Variants in LINGO2 observed in about 807,000 individuals in gnomAD.
LINGO2 encodes leucine-rich repeat and immunoglobulin-like domain-containing nogo receptor-interacting protein 2.
A neutral mutation model predicts 30.6 loss-of-function variants in LINGO2; 14 were observed. The observed-to-expected ratio is 0.46, with a 90% CI of 0.30 to 0.72. The LOEUF (loss-of-function observed/expected upper bound fraction) is 0.72. LINGO2 is among the 30% of genes least tolerant of loss of function. LINGO2 has a pLI of 0.07. For synonymous variants in LINGO2, 317 were observed against 288.5 expected (o/e 1.10, Z -1.00); for missense variants, 729 against 751.7 (o/e 0.97, Z 0.35).
At position 28,344,497 on chromosome 9, in the gene LINGO2, T is replaced by C. The variant is rs568937598; in HGVS notation, c.-246+28339A>G. Among the ~76,000 whole-genome samples, 25 of 152,276 alleles carry C rather than the reference T, an allele frequency of 1.6e-4. No homozygotes were observed. The East Asian group carries it at 4.6e-3, about 28-fold the overall frequency. ...AAGTAATGAAAAATGAGTATGTCTATACATTCATGATTAGGACAAAAAGTA... is the reference window on the plus strand; with the variant it reads ...AAGTAATGAAAAATGAGTATGTCTACACATTCATGATTAGGACAAAAAGTA... On this transcript the variant is annotated intron_variant, in intron 3 of 5. Transcript: ENST00000379992.
the LINGO2 span, among the ~76,000 whole-genome samples, chr9:29,068,719 C>T: frequency 6.6e-6 from 1 of 151,792 alleles, no homozygotes; most frequent in Non-Finnish European, 1.5e-5. Flanking sequence ...TTCATCCTGA[C>T]AGCTTATAAT....
intron 4 of LINGO2, among the ~76,000 whole-genome samples, chr9:28,012,834 T>C (rs1300124203): frequency 6.6e-6 from 1 of 152,144 alleles, no homozygotes; most frequent in East Asian, 1.9e-4. Flanking sequence ...AAACTGTCTA[T>C]CTGAAATTGA....
At chr9:29,008,200 G>C in the LINGO2 span, among the ~76,000 whole-genome samples, 2 of 152,216 alleles carry the variant, frequency 1.3e-5, no homozygotes, top group South Asian at 2.1e-4. Context: ...CCTTGCAATA[G>C]TTTGCTGAGA....
At chr9:28,948,730 T>C in the LINGO2 span, among the ~76,000 whole-genome samples, 2 of 152,096 alleles carry the variant, frequency 1.3e-5, no homozygotes, top group South Asian at 2.1e-4. Flanking sequence ...CAAATCACAG[T>C]ATTGAAAACA....
chr9:27,986,156 C>T (rs912407623), intron 5 of LINGO2, among the ~76,000 whole-genome samples: 1 of 148,338 alleles, frequency 6.7e-6, no homozygotes, highest in African/African-American at 2.5e-5. Context: ...GGAGGGGGAA[C>T]AGGAGAAAAA....
intron 4 of LINGO2, among the ~76,000 whole-genome samples, chr9:28,055,669 G>C (rs531029740): frequency 6.6e-6 from 1 of 152,104 alleles, no homozygotes; most frequent in South Asian, 2.1e-4. Flanking sequence ...TTGCTAGATT[G>C]TCAAAAAACA....
the LINGO2 span, among the ~76,000 whole-genome samples, chr9:29,047,028 A>G: frequency 0.088 from 408 of 4,620 alleles, 3 homozygotes; most frequent in African/African-American, 0.14. Context: ...GGGCAACAGA[A>G]CAAGACTGTC....
chr9:28,924,457 G>A, the LINGO2 span, among the ~76,000 whole-genome samples: 2 of 152,062 alleles, frequency 1.3e-5, no homozygotes, highest in East Asian at 1.9e-4. Flanking sequence ...CTGGACTCAG[G>A]CAATCCGCCA....
rs528535927 is a variant in LINGO2 at position 28,453,092 on chromosome 9, G to T, written c.-279+22848C>A. Among the ~76,000 whole-genome samples the T allele has an allele frequency of 6.6e-5, 10 of 151,890 alleles. No homozygotes were observed. The East Asian group carries it at 1.7e-3, about 26-fold the overall frequency. On this transcript the variant is annotated intron_variant, in intron 2 of 5. Coordinates refer to ENST00000379992, the Ensembl canonical transcript of LINGO2. ...TGATACTGGAATAAGAACTGAAATG[G>T]CAATATATAATGTACCATAAAATTT...
At chr9:28,949,743 C>T in the LINGO2 span, among the ~76,000 whole-genome samples, 1 of 152,116 alleles carries the variant, frequency 6.6e-6, no homozygotes, top group Non-Finnish European at 1.5e-5. Flanking sequence ...AGAGGGACTC[C>T]TCCCTAACTC....
chr9:28,024,592 C>T (rs778724910), intron 4 of LINGO2, among the ~76,000 whole-genome samples: 6 of 152,176 alleles, frequency 3.9e-5, no homozygotes, highest in Non-Finnish European at 5.9e-5. Flanking sequence ...AAGGCCAAAG[C>T]CTCCTTTTGT....
chr9:28,884,867 C>T, the LINGO2 span, among the ~76,000 whole-genome samples: 120 of 135,720 alleles, frequency 8.8e-4, no homozygotes, highest in Middle Eastern at 7.7e-3. Context: ...ACTATATATA[C>T]ACACATATAC....
chr9:29,110,848 G>A, the LINGO2 span, among the ~76,000 whole-genome samples: 1 of 151,392 alleles, frequency 6.6e-6, no homozygotes, highest in African/African-American at 2.4e-5. Context: ...TCGCCACCAC[G>A]CCCAGCTAAT....
downstream of LINGO2, among the ~76,000 whole-genome samples, chr9:27,946,869 G>A (rs1179090860): frequency 6.6e-6 from 1 of 152,082 alleles, no homozygotes; most frequent in East Asian, 1.9e-4. Context: ...GGGGAGAAAT[G>A]GGTTTAACTC....
the LINGO2 span, among the ~76,000 whole-genome samples, chr9:29,079,176 T>C: frequency 6.6e-6 from 1 of 151,868 alleles, no homozygotes; most frequent in Non-Finnish European, 1.5e-5. Context: ...ATGTGCTCTG[T>C]GGATGAGCTG....
rs1037804248 is a variant in LINGO2 at position 28,334,427 on chromosome 9, G to A, written c.-246+38409C>T. Among the ~76,000 whole-genome samples, 10 of 152,108 alleles carry A rather than the reference G, an allele frequency of 6.6e-5. No individual in the cohort carries two copies. In the East Asian group the frequency reaches 1.4e-3, roughly 21 times the overall value. On this transcript the variant is annotated intron_variant, in intron 3 of 5. Coordinates refer to ENST00000379992, the Ensembl canonical transcript of LINGO2. ...ATTCCACTAGAAAAATATCCACAAC[G>A]TATAGTTCAATAAAATAGTATGGGT...
At chr9:28,736,379 G>A in the LINGO2 span, among the ~76,000 whole-genome samples, 1 of 152,118 alleles carries the variant, frequency 6.6e-6, no homozygotes, top group Admixed American at 6.5e-5. Flanking sequence ...AGAACGGTGT[G>A]GAAATCACAG....
chr9:28,097,299 T>G (rs1315691161), intron 4 of LINGO2, among the ~76,000 whole-genome samples: 1 of 151,926 alleles, frequency 6.6e-6, no homozygotes, highest in Non-Finnish European at 1.5e-5. Context: ...GATCTAGAAC[T>G]AGAAATACCA....
At chr9:28,675,339 C>T in the LINGO2 span, among the ~76,000 whole-genome samples, 2 of 152,140 alleles carry the variant, frequency 1.3e-5, no homozygotes, top group Admixed American at 6.5e-5. Context: ...AAACTTGAAA[C>T]CTGTAATCAT....
Sources: gnomAD v4.1 joint callset for allele counts (sites outside exome capture counted in the v4.1 genomes callset) on GRCh38, gnomAD v4.1.1 for gene constraint, MANE v1.5 for transcripts, NCBI Gene and HGNC (gene_info 2026-07-23, HGNC 2026-07-21) for gene names.